Variants in PTPRZ1 observed in about 807,000 individuals in gnomAD.
PTPRZ1 encodes receptor-type tyrosine-protein phosphatase zeta.
A neutral mutation model predicts 214.1 loss-of-function variants in PTPRZ1; 82 were observed. The ratio of observed to expected loss-of-function variants is 0.38; its 90% CI spans 0.32 to 0.46. The LOEUF (loss-of-function observed/expected upper bound fraction) is 0.46. Among genes scored for constraint, PTPRZ1 ranks in the 20% least tolerant of loss-of-function variants. PTPRZ1 has a pLI of 1.00. For missense variants in PTPRZ1, 2,603 were observed against 2,748.7 expected (o/e 0.95, Z 1.19); for synonymous variants, 945 against 987.9 (o/e 0.96, Z 0.81).
chr7:121,969,778 G>A (rs536625911), intron 3 of PTPRZ1, among the ~76,000 whole-genome samples: 2 of 151,486 alleles, frequency 1.3e-5, no homozygotes, highest in East Asian at 1.9e-4. Flanking sequence ...CTCTGCTTTG[G>A]TTTTTTTATT....
At chr7:121,955,621 A>G (rs1796682704) in intron 2 of PTPRZ1, among the ~76,000 whole-genome samples, 1 of 152,216 alleles carries the variant, frequency 6.6e-6, no homozygotes, top group African/African-American at 2.4e-5. Flanking sequence ...AGCAAGAGCT[A>G]CAGAAAAGTC....
At chr7:121,977,124 A>C (rs1797464764) in intron 6 of PTPRZ1, among the ~76,000 whole-genome samples, 1 of 152,188 alleles carries the variant, frequency 6.6e-6, no homozygotes, top group African/African-American at 2.4e-5. Context: ...TAATTATATC[A>C]TGCAATTAAA....
intron 12 of PTPRZ1, among the ~76,000 whole-genome samples, chr7:122,017,548 T>TTTATTTATTTAC (rs1798879432): frequency 6.8e-6 from 1 of 147,112 alleles, no homozygotes; most frequent in South Asian, 2.1e-4. Flanking sequence ...CATTTATTTA[T>TTTATTTATTTAC]TTATTTATTT....
In PTPRZ1 at chr7:121,873,241, C is replaced by G; in HGVS notation, c.-259C>G. The G allele has an allele frequency of 2.2e-6, 1 of 451,794 alleles. No individual in the cohort carries two copies. The highest frequency in any genetic ancestry group is 3.9e-6 in the Non-Finnish European group (1 of 255,544). 28.0% of individuals were successfully genotyped at this position (451,794 alleles called of 1,614,324 possible). A position where few individuals can be genotyped will look rare whatever the true frequency, so the allele number is the denominator to read the frequency against. The stretch of plus-strand genomic sequence containing the variant: ...TGCGCCTCGGCTAGCGGCCCCGGGC[C>G]CCACCACCGTGCGGCTTTCTCCAGA... On this transcript the variant is annotated 5_prime_UTR_variant, in exon 1 of 30. Transcript: ENST00000393386.
At chr7:122,048,275 G>T (rs1026608970) in intron 23 of PTPRZ1, among the ~76,000 whole-genome samples, 2 of 151,956 alleles carry the variant, frequency 1.3e-5, no homozygotes, top group Middle Eastern at 3.4e-3. Flanking sequence ...CCTAATGCAG[G>T]TTCTATCAAA....
Position 122,011,904 on chromosome 7 carries a change from C to T in PTPRZ1, c.2858C>T (p.Ser953Phe). The T allele has an allele frequency of 6.2e-7, 1 of 1,614,212 alleles. No homozygotes were observed. Among genetic ancestry groups the T allele is most frequent in the Non-Finnish European group, 8.5e-7 (1 of 1,180,024 alleles). Reference sequence around the variant, plus strand: ...AGTTCTGCAATACCTGTGCATGATTCTGTGGGTGTAACTTATCAGGGTTCC... The same window carrying T: ...AGTTCTGCAATACCTGTGCATGATTTTGTGGGTGTAACTTATCAGGGTTCC... ...SYSSAIPVHD[S>F]VGVTYQGSLF... Residue 953 changes from serine to phenylalanine, a missense_variant, in exon 12 of 30, where the codon TCT becomes TTT. Transcript: ENST00000393386.
chr7:121,946,978 G>C (rs1376891913), intron 2 of PTPRZ1, among the ~76,000 whole-genome samples: 1 of 152,120 alleles, frequency 6.6e-6, no homozygotes, highest in Non-Finnish European at 1.5e-5. Context: ...GAGAGGACAA[G>C]TAAAGGCAAC....
At position 122,012,519 on chromosome 7, in the gene PTPRZ1, G is replaced by A; in HGVS notation, c.3473G>A (p.Ser1158Asn). The change falls in exon 12 of 30, where the codon AGT becomes AAT. Residue 1158 changes from serine to asparagine, a missense_variant. This residue lies in a region of PTPRZ1 where 1,913 missense variants were observed against 1,914.3 expected (regional missense o/e 1.00). Coordinates refer to ENST00000393386, the MANE Select transcript of PTPRZ1 (RefSeq NM_002851.3). Reference protein sequence around the residue: ...SEPASSDPASSEMLSPSTQLL... With the variant: ...SEPASSDPASNEMLSPSTQLL... ...CCAGCATCCTCTGACCCTGCTTCTA[G>A]TGAAATGTTATCTCCTTCAACTCAG... The A allele has an allele frequency of 6.2e-7, 1 of 1,614,084 alleles. No homozygotes were observed. The highest frequency in any genetic ancestry group is 2.2e-5 in the East Asian group (1 of 44,882).
At chr7:122,043,666 A>C (rs947863707) in intron 22 of PTPRZ1, among the ~76,000 whole-genome samples, 4 of 152,158 alleles carry the variant, frequency 2.6e-5, no homozygotes, top group Non-Finnish European at 5.9e-5. Context: ...CAGAAAACCA[A>C]ATACCACATG....
At chr7:122,051,363 G>T (rs993419943) in intron 23 of PTPRZ1, 65 bp from the exon 24 acceptor site, 1 of 1,022,874 alleles carries the variant, frequency 9.8e-7, no homozygotes, top group East Asian at 2.4e-5. Flanking sequence ...GTATGTATGT[G>T]TGTGTGTGTG....
chr7:121,929,604 G>A (rs1584649797), intron 2 of PTPRZ1, among the ~76,000 whole-genome samples: 2 of 150,898 alleles, frequency 1.3e-5, no homozygotes, highest in Non-Finnish European at 1.5e-5. Context: ...TCAGGAGTTC[G>A]AGATCAGCCT....
chr7:121,908,301 C>T (rs1795174709), intron 1 of PTPRZ1: 1 of 243,220 alleles, frequency 4.1e-6, no homozygotes, highest in Non-Finnish European at 8.1e-6. Flanking sequence ...TTCCACCACT[C>T]CTGTAGCAGC....
At chr7:121,986,998 C>CTGCCTACAGCTGCCT (rs1384673150) in intron 8 of PTPRZ1, among the ~76,000 whole-genome samples, 2 of 152,114 alleles carry the variant, frequency 1.3e-5, no homozygotes, top group Non-Finnish European at 2.9e-5. Context: ...AGCATCTCAT[C>CTGCCTACAGCTGCCT]AAAATATCTG....
chr7:121,920,278 A>C (rs918796427), intron 1 of PTPRZ1, among the ~76,000 whole-genome samples: 1 of 152,210 alleles, frequency 6.6e-6, no homozygotes. Context: ...ATAAGATTTC[A>C]AAACAGCAAT....
chr7:122,044,300 G>T (rs2150481768), intron 22 of PTPRZ1, 122 bp from the exon 23 acceptor site: 1 of 1,136,460 alleles, frequency 8.8e-7, no homozygotes, highest in South Asian at 1.5e-5. Context: ...AAGCAATCTT[G>T]TGTGGGTCTT....
intron 10 of PTPRZ1, among the ~76,000 whole-genome samples, chr7:122,003,132 G>A (rs565246322): frequency 9.2e-5 from 14 of 152,098 alleles, no homozygotes; most frequent in Non-Finnish European, 1.3e-4. Flanking sequence ...GTTTGGAAAC[G>A]TAAAGAATAA....
chr7:121,941,815 G>C (rs1796245768), intron 2 of PTPRZ1, among the ~76,000 whole-genome samples: 1 of 152,132 alleles, frequency 6.6e-6, no homozygotes. Context: ...GTCAGAAATG[G>C]TATATTAATC....
At chr7:121,905,905 A>G (rs1486166976) in intron 1 of PTPRZ1, among the ~76,000 whole-genome samples, 3 of 152,112 alleles carry the variant, frequency 2.0e-5, no homozygotes, top group Non-Finnish European at 2.9e-5. Context: ...TTTTGGCATA[A>G]TTTACAAGAG....
chr7:121,937,823 T>TA (rs1450891490), intron 2 of PTPRZ1, among the ~76,000 whole-genome samples: 1 of 152,172 alleles, frequency 6.6e-6, no homozygotes, highest in Non-Finnish European at 1.5e-5. Context: ...CTTAGTGTGA[T>TA]AAGATGGTAG....
Sources: allele counts gnomAD v4.1 joint callset (sites outside exome capture counted in the v4.1 genomes callset), GRCh38; gene constraint gnomAD v4.1.1; regional missense constraint gnomAD v4.1.1; transcripts MANE v1.5; gene names NCBI Gene and HGNC (gene_info 2026-07-23, HGNC 2026-07-21).